ARMH3: variants seen among roughly 807,000 people sequenced by gnomAD.
The protein encoded by ARMH3 is armadillo like helical domain containing 3.
Under a neutral mutation model 99.1 loss-of-function variants are expected in ARMH3, and 60 were observed. That is an observed-to-expected ratio of 0.61 (90% confidence interval 0.49 to 0.75). ARMH3 has a LOEUF of 0.75. Among genes scored for constraint, ARMH3 ranks in the 30% least tolerant of loss-of-function variants. The pLI is 0.00. For synonymous variants in ARMH3, 285 were observed against 292.8 expected, an observed-to-expected ratio of 0.97 and a Z score of 0.27; for missense variants, 679 against 843.1, an observed-to-expected ratio of 0.81 and a Z score of 2.41.
At chr10:101,884,993 T>C (rs966756544) in intron 24 of ARMH3, among the ~76,000 whole-genome samples, 1 of 152,078 alleles carries the variant, frequency 6.6e-6, no homozygotes, top group Non-Finnish European at 1.5e-5. Flanking sequence ...AATTAAGAAA[T>C]GTGCAAAGGA....
chr10:101,962,174 C>T (rs1056424200), intron 20 of ARMH3, among the ~76,000 whole-genome samples: 3 of 152,136 alleles, frequency 2.0e-5, no homozygotes, highest in Non-Finnish European at 2.9e-5. Context: ...CATAGCTTGT[C>T]GCAGAGAATA....
intron 20 of ARMH3, among the ~76,000 whole-genome samples, chr10:101,969,026 A>G (rs1239776677): frequency 1.3e-5 from 2 of 152,198 alleles, no homozygotes; most frequent in Non-Finnish European, 2.9e-5. Flanking sequence ...ATATCTTGTG[A>G]CATATTTGCC....
chr10:101,991,427 C>G (rs1022721842), intron 18 of ARMH3, among the ~76,000 whole-genome samples: 8 of 152,066 alleles, frequency 5.3e-5, no homozygotes, highest in African/African-American at 1.9e-4. Context: ...CTCGCCCCAG[C>G]TGGAGTGCAA....
chr10:101,911,199 G>T (rs1470579184), intron 23 of ARMH3, among the ~76,000 whole-genome samples: 1 of 152,162 alleles, frequency 6.6e-6, no homozygotes, highest in African/African-American at 2.4e-5. Flanking sequence ...CAGAAAATGA[G>T]TGTGTGAACA....
chr10:101,848,978 G>T (rs1048790789), intron 25 of ARMH3, among the ~76,000 whole-genome samples: 6 of 152,174 alleles, frequency 3.9e-5, no homozygotes, highest in African/African-American at 1.4e-4. Context: ...ATCAGAGTTG[G>T]GCTGTGTTTA....
At position 101,990,425 on chromosome 10, in the gene ARMH3, C is replaced by T; in HGVS notation, c.1406+126G>A. 5 of 627,972 alleles carry T rather than the reference C, an allele frequency of 8.0e-6. 1 individual carries two copies. In the South Asian group the frequency reaches 1.2e-4, roughly 15 times the overall value. 38.9% of individuals were successfully genotyped at this position (627,972 alleles called of 1,614,324 possible). On this transcript the variant is annotated intron_variant, in intron 19 of 25. Coordinates refer to ENST00000370033, the MANE Select transcript of ARMH3 (RefSeq NM_024541.3). ...TGACCTTGTGATCCGCCCGCCTCGG[C>T]CTCCCAAGGTGCTGGTATTACAGGC...
chr10:102,012,849 A>T lies in ARMH3; in HGVS notation c.754T>A (p.Leu252Ile). 1.2e-6 allele frequency: 2 copies of T among 1,611,058 alleles called. No homozygotes were observed. The change falls in exon 10 of 26, where the codon TTA becomes ATA. Residue 252 changes from leucine to isoleucine, a missense_variant. Coordinates refer to ENST00000370033, the MANE Select transcript of ARMH3 (RefSeq NM_024541.3). ...NGMGLVIAQALSEYNRQYKDK... is the reference protein window; with the variant it reads ...NGMGLVIAQAISEYNRQYKDK... ...TGGACTTACCTGTTGTACTCAGATAAAGCCTGAGCAATTACAAGTCCCATT... is the reference window on the plus strand; with the variant it reads ...TGGACTTACCTGTTGTACTCAGATATAGCCTGAGCAATTACAAGTCCCATT...
intron 19 of ARMH3, among the ~76,000 whole-genome samples, chr10:101,986,664 T>C (rs1209481582): frequency 1.3e-5 from 2 of 152,168 alleles, no homozygotes; most frequent in Non-Finnish European, 2.9e-5. Flanking sequence ...TGCTGTATAC[T>C]GCCGAAAAGG....
intron 20 of ARMH3, among the ~76,000 whole-genome samples, chr10:101,965,302 T>C (rs1255503835): frequency 6.6e-6 from 1 of 152,206 alleles, no homozygotes; most frequent in Non-Finnish European, 1.5e-5. Context: ...TGGCTGACAT[T>C]CACGTCAAAG....
chr10:101,879,157 AT>A (rs2067346208), intron 24 of ARMH3, among the ~76,000 whole-genome samples: 1 of 152,104 alleles, frequency 6.6e-6, no homozygotes, highest in Non-Finnish European at 1.5e-5. Context: ...CCTTCAGAAT[AT>A]CTGACACACT....
intron 2 of ARMH3, among the ~76,000 whole-genome samples, chr10:102,035,304 G>T (rs1046250707): frequency 6.6e-6 from 1 of 152,056 alleles, no homozygotes. Context: ...GGTGGAGGTT[G>T]CAGTGAGCCA....
chr10:101,926,721 G>A (rs971568162), intron 23 of ARMH3, among the ~76,000 whole-genome samples: 5 of 152,068 alleles, frequency 3.3e-5, no homozygotes, highest in African/African-American at 1.2e-4. Context: ...ATAATTCAAT[G>A]GCTACATTTC....
chr10:101,892,739 CATAAT>C (rs1297679206), intron 23 of ARMH3, among the ~76,000 whole-genome samples: 1 of 152,116 alleles, frequency 6.6e-6, no homozygotes, highest in Non-Finnish European at 1.5e-5. Context: ...ATTTATCTAA[CATAAT>C]ATATAACATT....
At chr10:101,995,491 A>G in intron 15 of ARMH3, 136 bp from the exon 16 acceptor site, 1 of 711,668 alleles carries the variant, frequency 1.4e-6, no homozygotes, top group Non-Finnish European at 2.3e-6. Context: ...ATGAAAATCA[A>G]GGTACTACTA....
At chr10:101,994,180 T>A (rs1846947755) in intron 16 of ARMH3, among the ~76,000 whole-genome samples, 1 of 152,202 alleles carries the variant, frequency 6.6e-6, no homozygotes, top group Non-Finnish European at 1.5e-5. Context: ...CCTTGGCCCT[T>A]TCCCAATACC....
intron 22 of ARMH3, among the ~76,000 whole-genome samples, chr10:101,943,403 G>T (rs1844330229): frequency 6.6e-6 from 1 of 151,592 alleles, no homozygotes; most frequent in African/African-American, 2.4e-5. Flanking sequence ...GTATCAGGCA[G>T]GTTCTGGAAA....
At chr10:101,885,529 A>G (rs918526757) in intron 24 of ARMH3, among the ~76,000 whole-genome samples, 2 of 152,232 alleles carry the variant, frequency 1.3e-5, no homozygotes, top group South Asian at 2.1e-4. Flanking sequence ...AGCTTGTCAC[A>G]AAAGTCCAAA....
chr10:102,010,000 A>G lies in ARMH3; in HGVS notation c.855T>C (p.Asp285=), dbSNP rs1281851442. ...ACTGTACTGAGATTTTCTCATGGGC[A>G]TCTGCTATGAACATGCTGCCCACCT... ...TNMVGSMFIA[D]AHEKISVQTN... The change falls in exon 12 of 26, where the codon GAT becomes GAC. Residue 285 remains aspartate (D), a synonymous_variant. Coordinates refer to ENST00000370033, the MANE Select transcript of ARMH3 (RefSeq NM_024541.3). 6 of 1,613,972 alleles carry G rather than the reference A, an allele frequency of 3.7e-6. No individual in the cohort carries two copies. Among genetic ancestry groups the G allele is most frequent in the Non-Finnish European group, 4.2e-6 (5 of 1,179,970 alleles).
At chr10:101,971,688 ACT>A (rs1845778600) in intron 20 of ARMH3, among the ~76,000 whole-genome samples, 2 of 152,184 alleles carry the variant, frequency 1.3e-5, no homozygotes, top group South Asian at 4.1e-4. Context: ...GGATCCAGAA[ACT>A]CTGTGAAACT....
Sources: allele counts gnomAD v4.1 joint callset (sites outside exome capture counted in the v4.1 genomes callset), GRCh38; gene constraint gnomAD v4.1.1; transcripts MANE v1.5; gene names NCBI Gene and HGNC (gene_info 2026-07-23, HGNC 2026-07-21).